Variants in POR observed in about 807,000 individuals in gnomAD.
POR encodes cytochrome p450 oxidoreductase, also known as NADPH--cytochrome P450 reductase.
In POR, 56 loss-of-function variants were observed where a neutral mutation model predicts 84.0. The observed-to-expected ratio is 0.67, with a 90% CI of 0.54 to 0.83. The LOEUF (loss-of-function observed/expected upper bound fraction) is 0.83. Among genes scored for constraint, POR ranks in the 40% least tolerant of loss-of-function variants. The pLI is 0.00. For synonymous variants in POR, 414 were observed against 400.5 expected, an observed-to-expected ratio of 1.03 and a Z score of -0.40; for missense variants, 938 against 944.3, an observed-to-expected ratio of 0.99 and a Z score of 0.09.
At chr7:75,945,133 T>C (rs1363034975) in intron 1 of POR, among the ~76,000 whole-genome samples, 1 of 151,820 alleles carries the variant, frequency 6.6e-6, no homozygotes, top group Non-Finnish European at 1.5e-5. Flanking sequence ...ATACAAAAAT[T>C]AGCCAGGTGT....
chr7:75,982,454 G>GTGTCCACGACC (rs1789115912), intron 8 of POR, 132 bp downstream of exon 8: 5 of 747,966 alleles, frequency 6.7e-6, no homozygotes, highest in African/African-American at 5.2e-5. Context: ...GTGGGTGTGA[G>GTGTCCACGACC]TGTCCACGAC....
At position 75,954,187 on chromosome 7, in the gene POR, G is replaced by A. The variant is rs2116421530; in HGVS notation, c.188+7G>A. 6.2e-7 allele frequency: 1 copy of A among 1,602,704 alleles called. No homozygotes were observed. Among genetic ancestry groups the A allele is most frequent in the African/African-American group, 1.3e-5 (1 of 74,754 alleles). ...TCACCAAAATTCAGACATTGTAAGT[G>A]CCGCCTCTCAGCCTCCTCTCTCTGT... On this transcript the variant is annotated splice_region_variant and intron_variant, in intron 2 of 15. Coordinates refer to ENST00000461988, the MANE Select transcript of POR (RefSeq NM_000941.3).
chr7:75,979,485 CG>C lies in POR; in HGVS notation c.276del (p.Thr93LeufsTer33). 1 of 1,613,406 alleles carries C rather than the reference CG, an allele frequency of 6.2e-7. No individual in the cohort carries two copies. Among genetic ancestry groups the C allele is most frequent in the Non-Finnish European group, 8.5e-7 (1 of 1,179,820 alleles). On this transcript the variant is annotated frameshift_variant, in exon 4 of 16. Coordinates refer to ENST00000461988, the MANE Select transcript of POR (RefSeq NM_000941.3). LOFTEE classifies it high-confidence loss of function. ...ATCATCGTGTTCTACGGCTCCCAGA[CG>C]GGGACTGCAGAGGAGTTTGCCAACC...
chr7:75,931,824 G>C (rs1353562158), intron 1 of POR, among the ~76,000 whole-genome samples: 2 of 152,114 alleles, frequency 1.3e-5, no homozygotes, highest in African/African-American at 4.8e-5. Context: ...CCCACCATCT[G>C]TTCTGTTTAT....
chr7:75,953,948 G>A (rs1787565021), intron 1 of POR, 41 bp from the exon 2 acceptor site: 1 of 1,493,306 alleles, frequency 6.7e-7, no homozygotes, highest in African/African-American at 1.4e-5. Flanking sequence ...GGGGCACCCT[G>A]CTACCCTCTG....
intron 7 of POR, 127 bp from the exon 8 acceptor site, chr7:75,982,097 C>T (rs745851302): frequency 5.6e-6 from 4 of 710,282 alleles, no homozygotes; most frequent in Non-Finnish European, 1.0e-5. Context: ...GGCTCCCCTG[C>T]TTCTTGTCGT....
intron 3 of POR, among the ~76,000 whole-genome samples, chr7:75,978,818 G>A (rs1788831032): frequency 6.7e-6 from 1 of 149,426 alleles, no homozygotes; most frequent in Non-Finnish European, 1.5e-5. Flanking sequence ...GCCACTGGAG[G>A]TGGAGTCTTG....
chr7:75,972,293 TC>T, intron 2 of POR, 119 bp from the exon 3 acceptor site: 1 of 885,894 alleles, frequency 1.1e-6, no homozygotes, highest in Non-Finnish European at 1.8e-6. Flanking sequence ...AGCTGGAATG[TC>T]CCCTCCCTGT....
At chr7:75,959,122 C>T (rs1787819074) in intron 2 of POR, among the ~76,000 whole-genome samples, 2 of 152,110 alleles carry the variant, frequency 1.3e-5, no homozygotes, top group African/African-American at 4.8e-5. Flanking sequence ...CTTGTGATCC[C>T]AGCTCTTTGG....
chr7:75,935,419 G>T (rs568862517), intron 1 of POR, among the ~76,000 whole-genome samples: 16 of 152,102 alleles, frequency 1.1e-4, no homozygotes, highest in Admixed American at 2.6e-4. Flanking sequence ...GGTAATTTTT[G>T]TATTTTTAGT....
chr7:75,983,707 C>T (rs782493618), intron 9 of POR, 31 bp from the exon 10 acceptor site: 199 of 1,606,920 alleles, frequency 1.2e-4, no homozygotes, highest in Middle Eastern at 1.7e-4. Flanking sequence ...GCCAGCCTTC[C>T]GCCCCTCCCG....
At chr7:75,982,004 C>G (rs1037938889) in intron 7 of POR, 2 of 584,212 alleles carry the variant, frequency 3.4e-6, no homozygotes, top group Admixed American at 5.8e-5. Flanking sequence ...CCTGCCCCGG[C>G]TTCTGGGCGT....
At chr7:75,962,602 C>G (rs1787987268) in intron 2 of POR, among the ~76,000 whole-genome samples, 1 of 152,218 alleles carries the variant, frequency 6.6e-6, no homozygotes, top group Admixed American at 6.5e-5. Context: ...AGCCACTGCA[C>G]TGGGCCAACA....
chr7:75,973,233 T>C (rs1045508298), intron 3 of POR, among the ~76,000 whole-genome samples: 2 of 152,058 alleles, frequency 1.3e-5, no homozygotes, highest in Non-Finnish European at 2.9e-5. Context: ...CCCACTGTTC[T>C]TATTATTTAT....
intron 1 of POR, among the ~76,000 whole-genome samples, chr7:75,939,749 AG>A (rs1466365174): frequency 6.6e-6 from 1 of 151,252 alleles, no homozygotes; most frequent in Non-Finnish European, 1.5e-5. Flanking sequence ...CTGGAATTAC[AG>A]GGGTGCGCCA....
At chr7:75,955,825 G>A (rs1350435609) in intron 2 of POR, among the ~76,000 whole-genome samples, 1 of 152,194 alleles carries the variant, frequency 6.6e-6, no homozygotes, top group African/African-American at 2.4e-5. Flanking sequence ...ACACAGAAAA[G>A]TCATTCTCCA....
At chr7:75,957,102 C>T (rs192106229) in intron 2 of POR, among the ~76,000 whole-genome samples, 6 of 152,288 alleles carry the variant, frequency 3.9e-5, no homozygotes, top group African/African-American at 7.2e-5. Flanking sequence ...GCAACAGCGC[C>T]GTGCGTTAGG....
chr7:75,952,502 G>A (rs1554553012), intron 1 of POR, among the ~76,000 whole-genome samples: 1 of 151,754 alleles, frequency 6.6e-6, no homozygotes, highest in African/African-American at 2.4e-5. Flanking sequence ...GCTGCTGGGC[G>A]GAGACGCTCC....
chr7:75,982,001 C>T (rs558661427), intron 7 of POR: 12 of 584,474 alleles, frequency 2.1e-5, no homozygotes, highest in African/African-American at 1.9e-4. Flanking sequence ...AGCCCTGCCC[C>T]GGCTTCTGGG....
Sources: allele counts gnomAD v4.1 joint callset (sites outside exome capture counted in the v4.1 genomes callset), GRCh38; gene constraint gnomAD v4.1.1; transcripts MANE v1.5; gene names NCBI Gene and HGNC (gene_info 2026-07-23, HGNC 2026-07-21).